The following ODF2 variants were observed in gnomAD, a reference collection of about 807,000 sequenced individuals.
ODF2 encodes the protein outer dense fiber of sperm tails 2.
Under a neutral mutation model 110.2 loss-of-function variants are expected in ODF2, and 47 were observed. The observed-to-expected ratio is 0.43, with a 90% confidence interval of 0.34 to 0.54. The LOEUF (loss-of-function observed/expected upper bound fraction) is 0.54. Among genes scored for constraint, ODF2 ranks in the 20% least tolerant of loss-of-function variants. The probability of loss-of-function intolerance (pLI) is 0.03; values close to 1 mark genes in which losing one functional copy is unlikely to be tolerated. For synonymous variants in ODF2, 352 were observed against 397.7 expected (o/e 0.89, Z 1.37); for missense variants, 812 against 1,054.5 (o/e 0.77, Z 3.19).
At chr9:128,460,638 T>C in intron 3 of ODF2, 1 of 1,613,952 alleles carries the variant, frequency 6.2e-7, no homozygotes, top group Non-Finnish European at 8.5e-7. Context: ...ATAAAAAAAC[T>C]CCCGAAACCA....
chr9:128,472,400 G>A (rs1261796008), intron 6 of ODF2, among the ~76,000 whole-genome samples: 1 of 152,120 alleles, frequency 6.6e-6, no homozygotes, highest in African/African-American at 2.4e-5. Context: ...TAGAGATGGG[G>A]TTTTAGCTGT....
chr9:128,457,364 T>G (rs1309803530), exon 2 of ODF2: 5 of 1,612,630 alleles, frequency 3.1e-6, no homozygotes, highest in Non-Finnish European at 4.2e-6. Context: ...GAGCAGAGCC[T>G]GCTGACCCAA....
At chr9:128,476,194 C>T (rs532505016) in intron 8 of ODF2, among the ~76,000 whole-genome samples, 1 of 152,248 alleles carries the variant, frequency 6.6e-6, no homozygotes, top group East Asian at 1.9e-4. Flanking sequence ...GCAGAAAAGA[C>T]TGACAGTATA....
At chr9:128,472,430 A>G (rs1840261719) in intron 6 of ODF2, among the ~76,000 whole-genome samples, 1 of 152,140 alleles carries the variant, frequency 6.6e-6, no homozygotes, top group South Asian at 2.1e-4. Flanking sequence ...TGCTCTCGAT[A>G]ACACCTGATC....
intron 3 of ODF2, 59 bp downstream of exon 2, chr9:128,459,716 A>G: frequency 5.1e-6 from 7 of 1,367,638 alleles, no homozygotes; most frequent in South Asian, 4.8e-5. Context: ...ATGCTTTTGC[A>G]CACCGTTTCT....
In ODF2 at chr9:128,457,269, T is replaced by G. The variant is rs143608189; in HGVS notation, c.-137T>G. The G allele has an allele frequency of 1.1e-3, 1,720 of 1,600,072 alleles. 22 individuals are homozygous for G. In the African/African-American group the frequency reaches 0.02, roughly 19 times the overall value. On this transcript the variant is annotated 5_prime_UTR_variant, in exon 2 of 21. Coordinates refer to ENST00000604420, the Ensembl canonical transcript of ODF2. ...TTCATCCAACTGCCAACCCCAAAGC[T>G]TCCACCCTTCTCCCCTCAGAGAGGA...
intron 4 of ODF2, among the ~76,000 whole-genome samples, chr9:128,466,466 C>CAA (rs11326501): frequency 7.2e-6 from 1 of 138,230 alleles, no homozygotes; most frequent in Non-Finnish European, 1.6e-5. Flanking sequence ...GACCCCATCT[C>CAA]AAAAAAAAAA....
chr9:128,460,969 G>A, exon 4 of ODF2: 1 of 1,614,214 alleles, frequency 6.2e-7, no homozygotes, highest in Non-Finnish European at 8.5e-7. Context: ...AATGAAAGGG[G>A]ACACTGTGAA....
exon 9 of ODF2, chr9:128,481,604 C>G: frequency 6.2e-7 from 1 of 1,613,818 alleles, no homozygotes; most frequent in Non-Finnish European, 8.5e-7. Context: ...AATGGAGCAA[C>G]AAGGAGCACT....
chr9:128,490,181 A>T (rs1358466381), intron 14 of ODF2, among the ~76,000 whole-genome samples: 1 of 152,188 alleles, frequency 6.6e-6, no homozygotes, highest in Non-Finnish European at 1.5e-5. Context: ...AAATTTTAAA[A>T]GCCAACAACT....
At chr9:128,487,769 A>G (rs1843662362) in intron 13 of ODF2, 121 bp from the exon 14 acceptor site, 2 of 1,200,040 alleles carry the variant, frequency 1.7e-6, no homozygotes, top group Non-Finnish European at 2.3e-6. Context: ...CCTAGGTGAC[A>G]GAGCGAGACT....
intron 6 of ODF2, among the ~76,000 whole-genome samples, chr9:128,472,047 A>C (rs1247795199): frequency 6.6e-6 from 1 of 152,130 alleles, no homozygotes; most frequent in Non-Finnish European, 1.5e-5. Flanking sequence ...TTTGGGAGCC[A>C]AGGCGGGCAA....
intron 3 of ODF2, among the ~76,000 whole-genome samples, chr9:128,459,957 G>A (rs1835990873): frequency 6.6e-6 from 1 of 152,144 alleles, no homozygotes; most frequent in Non-Finnish European, 1.5e-5. Context: ...AGAATGAGGG[G>A]AAGGATAAGA....
In ODF2 at chr9:128,494,303, G is replaced by A. The variant is rs1197133882; in HGVS notation, c.1753-207G>A. 5.3e-5 allele frequency among the ~76,000 whole-genome samples: 8 copies of A among 152,264 alleles called. No individual in the cohort carries two copies. The highest frequency in any genetic ancestry group is 1.3e-4 in the Admixed American group (2 of 15,292). ...TTTACTGTGTGGTTGCCATTGTTAC[G>A]GGATAACTAAATGAATGGCAAGCCA... On this transcript the variant is annotated intron_variant, in intron 16 of 20. Coordinates refer to ENST00000604420, the Ensembl canonical transcript of ODF2. This position sits in a 1 kb window ranked among gnomAD's most constrained non-coding sequence, Gnocchi z 4.6.
At chr9:128,489,193 T>C (rs373409648) in intron 14 of ODF2, among the ~76,000 whole-genome samples, 6 of 152,288 alleles carry the variant, frequency 3.9e-5, no homozygotes, top group Admixed American at 1.3e-4. Context: ...TGAGCAGAGG[T>C]TGACATTTCA....
chr9:128,460,765 AAC>A, intron 3 of ODF2, 99 bp downstream of exon 3: 2 of 1,545,512 alleles, frequency 1.3e-6, no homozygotes, highest in Non-Finnish European at 1.8e-6. Context: ...TTGGGAGACA[AAC>A]ACACTCTTTC....
intron 6 of ODF2, among the ~76,000 whole-genome samples, chr9:128,472,155 C>T (rs1437129372): frequency 6.6e-6 from 1 of 152,088 alleles, no homozygotes; most frequent in African/African-American, 2.4e-5. Flanking sequence ...CGGCGGGCGC[C>T]TATAATCCTA....
At chr9:128,483,146 G>A (rs1239696881) in intron 10 of ODF2, among the ~76,000 whole-genome samples, 1 of 151,958 alleles carries the variant, frequency 6.6e-6, no homozygotes, top group Non-Finnish European at 1.5e-5. Flanking sequence ...TGCCTGCCTC[G>A]GCCTCCCAAA....
chr9:128,488,154 A>ATGG, intron 14 of ODF2, 129 bp downstream of exon 14: 1 of 1,106,042 alleles, frequency 9.0e-7, no homozygotes, highest in Non-Finnish European at 1.3e-6. Context: ...TTGACCAGGC[A>ATGG]TGGTGGCTTA....
Sources: allele counts gnomAD v4.1 joint callset (sites outside exome capture counted in the v4.1 genomes callset), GRCh38; gene constraint gnomAD v4.1.1; non-coding constraint Gnocchi (gnomAD v3.1); transcripts MANE v1.5; gene names NCBI Gene and HGNC (gene_info 2026-07-23, HGNC 2026-07-21).